Variants in RMDN2 observed in about 807,000 individuals in gnomAD.
RMDN2 encodes regulator of microtubule dynamics protein 2.
In RMDN2, 61 loss-of-function variants were observed where a neutral mutation model predicts 52.8. That is an observed-to-expected ratio of 1.16 (90% CI 0.94 to 1.43). RMDN2 has a LOEUF of 1.43. Ranked by LOEUF, RMDN2 falls within the 40% of genes most tolerant of loss-of-function variation. The pLI, the probability that RMDN2 is intolerant of heterozygous loss-of-function variation, is 0.00. For missense variants in RMDN2, 592 were observed against 475.3 expected, an observed-to-expected ratio of 1.25 and a Z score of -2.28; for synonymous variants, 180 against 153.1, an observed-to-expected ratio of 1.18 and a Z score of -1.30.
intron 10 of RMDN2, among the ~76,000 whole-genome samples, chr2:38,059,429 A>G (rs78580949): frequency 6.6e-6 from 1 of 152,234 alleles, no homozygotes; most frequent in Non-Finnish European, 1.5e-5. Flanking sequence ...TGGATATTCC[A>G]CTTTCCAAGG....
intron 2 of RMDN2, among the ~76,000 whole-genome samples, chr2:37,970,875 G>T (rs558769675): frequency 6.6e-6 from 1 of 151,988 alleles, no homozygotes; most frequent in African/African-American, 2.4e-5. Flanking sequence ...TTTATTTGCA[G>T]AGTTGCCCAT....
At chr2:38,009,313 T>A (rs1163129222) in intron 10 of RMDN2, among the ~76,000 whole-genome samples, 1 of 152,230 alleles carries the variant, frequency 6.6e-6, no homozygotes. Context: ...CCAACTTGGT[T>A]CCATTCTCCC....
chr2:38,030,397 A>G (rs1037348710), intron 10 of RMDN2: 19 of 152,300 alleles, frequency 1.2e-4, no homozygotes, highest in African/African-American at 4.6e-4. Context: ...TTTTTTAATA[A>G]TAAAGTAACT....
At chr2:37,937,156 C>T (rs1383616225) in intron 2 of RMDN2, among the ~76,000 whole-genome samples, 3 of 152,014 alleles carry the variant, frequency 2.0e-5, no homozygotes, top group African/African-American at 4.8e-5. Flanking sequence ...ATTTATTAAA[C>T]AGGGAATCTT....
At chr2:38,060,801 A>G (rs1682013931) in intron 10 of RMDN2, among the ~76,000 whole-genome samples, 1 of 142,386 alleles carries the variant, frequency 7.0e-6, no homozygotes, top group Non-Finnish European at 1.5e-5. Context: ...AGTTAGAGAC[A>G]GCCAGGAAAG....
intron 2 of RMDN2, among the ~76,000 whole-genome samples, chr2:37,947,353 CAAAAT>C (rs1254711082): frequency 6.6e-6 from 1 of 151,860 alleles, no homozygotes; most frequent in African/African-American, 2.4e-5. Context: ...TTCTTTCTCT[CAAAAT>C]AATATATGGA....
intron 10 of RMDN2, among the ~76,000 whole-genome samples, chr2:38,033,614 CGCATAGATTAAAAGACTACATCTGATCTT>C (rs1680369563): frequency 6.6e-6 from 1 of 152,172 alleles, no homozygotes; most frequent in Non-Finnish European, 1.5e-5. Context: ...ATTCATTCTC[CGCATAGATTAAAAGACTACATCTGATCTT>C]GCTTCTGTGT....
intron 4 of RMDN2, among the ~76,000 whole-genome samples, chr2:37,978,137 G>A (rs1350780042): frequency 1.3e-5 from 2 of 152,112 alleles, no homozygotes; most frequent in Non-Finnish European, 2.9e-5. Flanking sequence ...CGGCCAACAC[G>A]GTGAAACCCC....
upstream of RMDN2, among the ~76,000 whole-genome samples, chr2:37,924,907 C>T (rs986753585): frequency 6.6e-6 from 1 of 152,202 alleles, no homozygotes; most frequent in African/African-American, 2.4e-5. Context: ...TTAATTCAGT[C>T]GTGAGGAGTA....
intron 2 of RMDN2, among the ~76,000 whole-genome samples, chr2:37,957,774 T>C (rs1308712063): frequency 6.6e-6 from 1 of 152,194 alleles, no homozygotes; most frequent in Non-Finnish European, 1.5e-5. Context: ...TTTTATGGCT[T>C]TAGGTTTAAT....
intron 10 of RMDN2, among the ~76,000 whole-genome samples, chr2:38,057,578 T>C (rs1172502775): frequency 6.6e-6 from 1 of 152,174 alleles, no homozygotes; most frequent in Non-Finnish European, 1.5e-5. Flanking sequence ...GAGCCTGATA[T>C]AGAAACCACT....
Position 37,981,355 on chromosome 2 carries a change from G to T in RMDN2, c.791+12G>T. 1 of 1,566,462 alleles carries T rather than the reference G, an allele frequency of 6.4e-7. No homozygotes were observed. Among genetic ancestry groups the T allele is most frequent in the South Asian group, 1.1e-5 (1 of 89,400 alleles). On this transcript the variant is annotated intron_variant, in intron 5 of 10. Transcript: ENST00000354545. ...CATTGTCATCTGTGGTAAGTGTATA[G>T]GATTTATGCAGTCTTTTAAATTCTA...
intron 2 of RMDN2, among the ~76,000 whole-genome samples, chr2:37,960,827 C>G (rs1172316262): frequency 6.6e-6 from 1 of 152,108 alleles, no homozygotes; most frequent in East Asian, 1.9e-4. Context: ...GTGGCTGGTA[C>G]TGGTTTTTCC....
chr2:37,988,349 G>A (rs1198078233), intron 5 of RMDN2, among the ~76,000 whole-genome samples: 4 of 152,146 alleles, frequency 2.6e-5, no homozygotes, highest in Non-Finnish European at 5.9e-5. Context: ...GAACTCGTGA[G>A]TAGTAGTGTA....
At chr2:37,965,208 T>G (rs1002841534) in intron 2 of RMDN2, among the ~76,000 whole-genome samples, 1 of 152,182 alleles carries the variant, frequency 6.6e-6, no homozygotes, top group Non-Finnish European at 1.5e-5. Flanking sequence ...ATTGAGGAAT[T>G]TAATCCCATT....
chr2:38,020,870 G>C (rs1014210917), downstream of RMDN2, among the ~76,000 whole-genome samples: 1 of 152,010 alleles, frequency 6.6e-6, no homozygotes, highest in Non-Finnish European at 1.5e-5. Flanking sequence ...CAATTCCATC[G>C]ACCACCCAAG....
chr2:38,046,558 C>G (rs1015215313), intron 10 of RMDN2, among the ~76,000 whole-genome samples: 3 of 151,756 alleles, frequency 2.0e-5, no homozygotes, highest in Non-Finnish European at 4.4e-5. Context: ...TCTAAGAGAC[C>G]CACATGCTAA....
intron 10 of RMDN2, among the ~76,000 whole-genome samples, chr2:38,015,673 A>G (rs978683405): frequency 2.0e-5 from 3 of 152,252 alleles, no homozygotes; most frequent in Non-Finnish European, 4.4e-5. Flanking sequence ...GAAGCTGCAC[A>G]GAGATGTGAT....
intron 10 of RMDN2, among the ~76,000 whole-genome samples, chr2:38,006,018 T>C (rs1225943922): frequency 6.6e-6 from 1 of 152,198 alleles, no homozygotes; most frequent in Non-Finnish European, 1.5e-5. Flanking sequence ...GTTGTAGATA[T>C]GCAGCATTAT....
Sources: gnomAD v4.1 joint callset for allele counts (sites outside exome capture counted in the v4.1 genomes callset) on GRCh38, gnomAD v4.1.1 for gene constraint, MANE v1.5 for transcripts, NCBI Gene and HGNC (gene_info 2026-07-23, HGNC 2026-07-21) for gene names.